RAP1GAP2: variants seen among roughly 807,000 people sequenced by gnomAD.
RAP1GAP2 encodes RAP1 GTPase activating protein 2.
RAP1GAP2 carries 27 observed loss-of-function variants against 95.0 expected under a neutral mutation model. The ratio of observed to expected loss-of-function variants is 0.28; its 90% CI spans 0.21 to 0.39. The LOEUF (loss-of-function observed/expected upper bound fraction) is 0.39, where lower values mean the gene tolerates loss of function less well. Ranked by LOEUF, RAP1GAP2 falls within the 10% of genes least tolerant of loss-of-function variation. RAP1GAP2 has a pLI of 1.00. For missense variants in RAP1GAP2, 771 were observed against 970.0 expected (o/e 0.79, Z 2.72); for synonymous variants, 373 against 380.9 (o/e 0.98, Z 0.24).
chr17:2,987,255 T>C (rs2045587997), intron 11 of RAP1GAP2, among the ~76,000 whole-genome samples: 1 of 152,272 alleles, frequency 6.6e-6, no homozygotes, highest in Admixed American at 6.5e-5. Context: ...ATCTGTATCA[T>C]AGCATTTGTT....
chr17:2,810,600 G>A (rs982286088), intron 2 of RAP1GAP2, among the ~76,000 whole-genome samples: 3 of 121,000 alleles, frequency 2.5e-5, no homozygotes, highest in African/African-American at 6.3e-5. Flanking sequence ...GTACGATCTT[G>A]GCTCACTGCA....
chr17:2,869,703 G>A (rs1468520112), intron 2 of RAP1GAP2, among the ~76,000 whole-genome samples: 1 of 152,322 alleles, frequency 6.6e-6, no homozygotes, highest in South Asian at 2.1e-4. Context: ...GTCACGTGTT[G>A]CTGGGGAAGG....
rs552714951 is a variant in RAP1GAP2, at chr17:2,860,897, C to T, written c.81-44387C>T. Among the ~76,000 whole-genome samples the T allele has an allele frequency of 9.2e-5, 14 of 152,140 alleles. No homozygotes were observed. In the South Asian group the frequency reaches 1.5e-3, roughly 16 times the overall value. ...TTGGAATTACAGGTGTGAGTCACCG[C>T]GCCTGGCCGACTTTCCGTTATACTT... is the stretch of plus-strand genomic sequence containing the variant. On this transcript the variant is annotated intron_variant, in intron 2 of 24. Coordinates refer to ENST00000254695, the MANE Select transcript of RAP1GAP2 (RefSeq NM_015085.5).
intron 11 of RAP1GAP2, among the ~76,000 whole-genome samples, chr17:2,988,895 C>A (rs1405276970): frequency 6.6e-6 from 1 of 152,006 alleles, no homozygotes; most frequent in East Asian, 1.9e-4. Context: ...CCCTGTCTCT[C>A]CTAAAAATAC....
intron 1 of RAP1GAP2, among the ~76,000 whole-genome samples, chr17:2,758,254 C>T (rs758835637): frequency 7.0e-6 from 1 of 143,808 alleles, no homozygotes; most frequent in Non-Finnish European, 1.5e-5. Context: ...TGGCTTACTG[C>T]AACCTGTGCC....
At chr17:3,015,020 T>C (rs561757299) in intron 17 of RAP1GAP2, among the ~76,000 whole-genome samples, 47 of 152,236 alleles carry the variant, frequency 3.1e-4, no homozygotes, top group African/African-American at 1.1e-3. Context: ...TATTTATTTA[T>C]TTTAAAAAAG....
At chr17:3,031,582 G>A (rs12946537) in intron 23 of RAP1GAP2, among the ~76,000 whole-genome samples, 6,089 of 118,468 alleles carry the variant, frequency 0.051, 170 homozygotes, top group Non-Finnish European at 0.073. Flanking sequence ...CCTGGGTCCC[G>A]AATCCCTTCC....
intron 3 of RAP1GAP2, 83 bp downstream of exon 3, chr17:2,905,451 C>T (rs567795665): frequency 2.9e-6 from 4 of 1,382,274 alleles, no homozygotes; most frequent in Admixed American, 3.9e-5. Context: ...GCTCCAGGCC[C>T]AGCAGCGTCC....
At chr17:2,920,151 T>C (rs1294100093) in intron 3 of RAP1GAP2, among the ~76,000 whole-genome samples, 1 of 152,076 alleles carries the variant, frequency 6.6e-6, no homozygotes, top group Non-Finnish European at 1.5e-5. Flanking sequence ...ACCACAGGTG[T>C]GCACCACCAC....
At chr17:2,896,056 A>T (rs1339466765) in intron 2 of RAP1GAP2, among the ~76,000 whole-genome samples, 4 of 152,014 alleles carry the variant, frequency 2.6e-5, no homozygotes, top group Non-Finnish European at 5.9e-5. Flanking sequence ...GGCCTAGATC[A>T]GCCGTTGCCT....
At chr17:2,884,563 G>C (rs144436985) in intron 2 of RAP1GAP2, among the ~76,000 whole-genome samples, 6 of 151,916 alleles carry the variant, frequency 3.9e-5, no homozygotes, top group African/African-American at 1.5e-4. Context: ...AGTGGAAAAG[G>C]GGGTTTCACC....
intron 2 of RAP1GAP2, among the ~76,000 whole-genome samples, chr17:2,849,967 G>A (rs1472937211): frequency 2.7e-5 from 4 of 150,864 alleles, no homozygotes; most frequent in South Asian, 2.1e-4. Flanking sequence ...TTGGTTTGGC[G>A]CAGGTGTGTC....
chr17:2,980,743 G>T (rs1459953726), intron 9 of RAP1GAP2, among the ~76,000 whole-genome samples: 2 of 152,176 alleles, frequency 1.3e-5, no homozygotes, highest in African/African-American at 4.8e-5. Flanking sequence ...TCACAGCAGA[G>T]GAAAGGGCTG....
intron 1 of RAP1GAP2, among the ~76,000 whole-genome samples, chr17:2,785,670 C>T (rs1421618686): frequency 6.6e-6 from 1 of 152,118 alleles, no homozygotes; most frequent in Non-Finnish European, 1.5e-5. Flanking sequence ...TTTAAAAAGG[C>T]CAAGAATTTC....
At chr17:3,023,330 A>G (rs1597898568) in intron 19 of RAP1GAP2, among the ~76,000 whole-genome samples, 1 of 152,230 alleles carries the variant, frequency 6.6e-6, no homozygotes, top group South Asian at 2.1e-4. Context: ...AGTGGCTGCC[A>G]TGTGCTGGGC....
chr17:2,767,788 G>A (rs1057245630), intron 1 of RAP1GAP2, among the ~76,000 whole-genome samples: 11 of 150,384 alleles, frequency 7.3e-5, no homozygotes, highest in African/African-American at 2.4e-4. Context: ...GCTGGAGTGC[G>A]GTGGCACGAT....
upstream of RAP1GAP2, among the ~76,000 whole-genome samples, chr17:2,792,998 A>G (rs1390387246): frequency 6.6e-6 from 1 of 152,078 alleles, no homozygotes; most frequent in Non-Finnish European, 1.5e-5. Context: ...CAGCTTTCAC[A>G]TGTGGTCAGT....
At chr17:2,997,855 G>A (rs1240445191) in intron 13 of RAP1GAP2, among the ~76,000 whole-genome samples, 1 of 150,956 alleles carries the variant, frequency 6.6e-6, no homozygotes, top group Admixed American at 6.6e-5. Flanking sequence ...CCCAGGAGGC[G>A]GAGGTTGCAG....
rs888416932 is a variant in RAP1GAP2, at chr17:2,902,176, G to A, written c.81-3108G>A. The stretch of plus-strand genomic sequence containing the variant: ...CACTCCTGTGTCTGCCTGAGAACAC[G>A]GGGCATTCTCACTGTGTGTTTCTTC... On this transcript the variant is annotated intron_variant, in intron 2 of 24. Coordinates refer to ENST00000254695, the MANE Select transcript of RAP1GAP2 (RefSeq NM_015085.5). The surrounding 1 kb of genome is among the most constrained non-coding windows in gnomAD (Gnocchi z 4.1). Among the ~76,000 whole-genome samples the A allele has an allele frequency of 3.3e-5, 5 of 152,120 alleles. No individual in the cohort carries two copies. Among genetic ancestry groups the A allele is most frequent in the Non-Finnish European group, 4.4e-5 (3 of 68,008 alleles).
Sources: allele counts gnomAD v4.1 joint callset (sites outside exome capture counted in the v4.1 genomes callset), GRCh38; gene constraint gnomAD v4.1.1; non-coding constraint Gnocchi (gnomAD v3.1); transcripts MANE v1.5; gene names NCBI Gene and HGNC (gene_info 2026-07-23, HGNC 2026-07-21).